The following ANKRD11 variants were observed in gnomAD, a reference collection of about 807,000 sequenced individuals.
The protein encoded by ANKRD11 is ankyrin repeat domain-containing protein 11.
Under a neutral mutation model 195.7 loss-of-function variants are expected in ANKRD11, and 17 were observed. That is an observed-to-expected ratio of 0.09 (90% CI 0.06 to 0.13). The LOEUF is 0.13. ANKRD11 is among the 10% of genes least tolerant of loss of function. The probability of loss-of-function intolerance (pLI) is 1.00; values close to 1 mark genes in which losing one functional copy is unlikely to be tolerated. For synonymous variants in ANKRD11, 1,953 were observed against 1,528.1 expected (o/e 1.28, Z -6.49); for missense variants, 3,735 against 3,566.1 (o/e 1.05, Z -1.21).
At chr16:89,455,106 C>A (rs2056372211) in intron 1 of ANKRD11, among the ~76,000 whole-genome samples, 1 of 99,092 alleles carries the variant, frequency 1.0e-5, no homozygotes, top group Non-Finnish European at 2.1e-5. Flanking sequence ...AGCTGCTCCC[C>A]TGGGTGCTTC....
intron 2 of ANKRD11, among the ~76,000 whole-genome samples, chr16:89,405,974 G>T (rs1289460368): frequency 1.3e-5 from 2 of 152,100 alleles, no homozygotes; most frequent in Non-Finnish European, 2.9e-5. Context: ...ACCGGGCGTG[G>T]TGGCACACAC....
intron 4 of ANKRD11, among the ~76,000 whole-genome samples, chr16:89,302,036 G>A (rs2035887190): frequency 6.6e-6 from 1 of 152,178 alleles, no homozygotes; most frequent in Admixed American, 6.5e-5. Flanking sequence ...TGACTGCTGG[G>A]GACCAGAGAA....
intron 1 of ANKRD11, among the ~76,000 whole-genome samples, chr16:89,477,842 GGCAGGAGAACTGCTTGAAT>G (rs1220561067): frequency 3.3e-5 from 5 of 151,524 alleles, no homozygotes; most frequent in Admixed American, 2.6e-4. Context: ...TGTGGTGGCA[GGCAGGAGAACTGCTTGAAT>G]GCAGGAGAAC....
At chr16:89,427,567 C>T (rs1250120937) in intron 1 of ANKRD11, among the ~76,000 whole-genome samples, 4 of 152,086 alleles carry the variant, frequency 2.6e-5, no homozygotes, top group East Asian at 3.9e-4. Context: ...GAGGCCGAGG[C>T]GGGAGGATCA....
chr16:89,313,426 G>A (rs2036731914), intron 3 of ANKRD11: 3 of 1,289,038 alleles, frequency 2.3e-6, no homozygotes, highest in African/African-American at 1.5e-5. Flanking sequence ...GTCTGCAGAA[G>A]GGGCCCTTTC....
In ANKRD11 at chr16:89,283,644, G is replaced by A. The variant is rs547991402; in HGVS notation, c.2898C>T (p.Ala966=). ...ESCKERRDGR[A]KPEEAHREEL... is the part of the protein sequence containing the mutation. ...CCTCCCGGTGCGCCTCCTCGGGCTT[G>A]GCCCTGCCGTCCCTGCGCTCCTTGC... Residue 966 remains alanine, a synonymous_variant, in exon 9 of 13, where the codon GCC becomes GCT. Transcript: ENST00000301030. This position sits in a 1 kb window ranked among gnomAD's most constrained non-coding sequence, Gnocchi z 4.3. 2 of 1,610,886 alleles carry A rather than the reference G, an allele frequency of 1.2e-6. No homozygotes were observed. The highest frequency in any genetic ancestry group is 1.7e-6 in the Non-Finnish European group (2 of 1,179,886).
At chr16:89,435,424 A>G (rs543929452) in intron 1 of ANKRD11, among the ~76,000 whole-genome samples, 2 of 152,244 alleles carry the variant, frequency 1.3e-5, no homozygotes, top group African/African-American at 2.4e-5. Flanking sequence ...ACTCTTCACA[A>G]TAAATCTTGC....
chr16:89,440,994 T>C (rs1436654363), intron 1 of ANKRD11, among the ~76,000 whole-genome samples: 2 of 152,100 alleles, frequency 1.3e-5, no homozygotes, highest in South Asian at 2.1e-4. Flanking sequence ...TCCCAGCACT[T>C]TGGGAGGCCG....
At chr16:89,480,772 T>C (rs1041417121) in intron 1 of ANKRD11, among the ~76,000 whole-genome samples, 10 of 152,282 alleles carry the variant, frequency 6.6e-5, no homozygotes, top group Admixed American at 3.3e-4. Flanking sequence ...CAGTCTGCCT[T>C]GGCCATTAAA....
At chr16:89,414,576 T>A (rs2042219706) in intron 2 of ANKRD11, among the ~76,000 whole-genome samples, 1 of 152,224 alleles carries the variant, frequency 6.6e-6, no homozygotes, top group East Asian at 1.9e-4. Context: ...TGTTATTTAA[T>A]CTCCAAGGAA....
intron 2 of ANKRD11, among the ~76,000 whole-genome samples, chr16:89,320,871 T>C (rs1265936076): frequency 6.6e-6 from 1 of 152,228 alleles, no homozygotes; most frequent in Non-Finnish European, 1.5e-5. Flanking sequence ...CCAGAGGGGC[T>C]CCACCTCCCC....
rs143317508 is a variant in ANKRD11, at chr16:89,334,923, T to C, written c.-59-17845A>G. ...GCCTTCTGCATGCATGAGGGCCCCA[T>C]GGTGCTGGGGGCCAGGCAGACAGTC... On this transcript the variant is annotated intron_variant, in intron 2 of 12. Coordinates refer to ENST00000301030, the MANE Select transcript of ANKRD11 (RefSeq NM_013275.6). 1.1e-3 allele frequency among the ~76,000 whole-genome samples: 162 copies of C among 151,994 alleles called. 1 individual carries two copies. In the East Asian group the frequency reaches 0.022, roughly 21 times the overall value.
At chr16:89,417,438 G>A (rs1036957306) in intron 2 of ANKRD11, among the ~76,000 whole-genome samples, 1 of 152,158 alleles carries the variant, frequency 6.6e-6, no homozygotes, top group African/African-American at 2.4e-5. Context: ...TGCGTCTCTG[G>A]AAGGAGGGAG....
chr16:89,452,489 A>G (rs2044122057), intron 1 of ANKRD11, among the ~76,000 whole-genome samples: 1 of 151,966 alleles, frequency 6.6e-6, no homozygotes, highest in African/African-American at 2.4e-5. Context: ...GTGAGGACAC[A>G]GCTGTTTACT....
rs2151758761 is a variant in ANKRD11 at position 89,283,860 on chromosome 16, G to A, written c.2682C>T (p.Ala894=). The stretch of plus-strand genomic sequence containing the variant: ...GCTCTCTGTAGTCTCGCTTCTCCCG[G>A]GCCCGGCTGTCCCGCCTCCTCTCCT... The part of the protein sequence containing the change: ...DSKERRRDSR[A]REKRDYREPF... The change falls in exon 9 of 13, where the codon GCC becomes GCT. Residue 894 remains alanine (A), a synonymous_variant. Transcript: ENST00000301030. The surrounding 1 kb of genome is among the most constrained non-coding windows in gnomAD (Gnocchi z 4.3). The A allele has an allele frequency of 1.2e-6, 2 of 1,614,096 alleles. No individual in the cohort carries two copies. The highest frequency in any genetic ancestry group is 8.5e-7 in the Non-Finnish European group (1 of 1,180,030).
At chr16:89,379,011 A>G (rs557394243) in intron 2 of ANKRD11, among the ~76,000 whole-genome samples, 1 of 152,346 alleles carries the variant, frequency 6.6e-6, no homozygotes, top group African/African-American at 2.4e-5. Context: ...CGCCTCCTGC[A>G]GTCGTAGACA....
chr16:89,270,988 G>A, intron 11 of ANKRD11, 79 bp from the exon 12 acceptor site: 4 of 1,353,522 alleles, frequency 3.0e-6, no homozygotes, highest in Non-Finnish European at 4.2e-6. Context: ...GGGCGATGCT[G>A]CAGTGACCGT....
intron 2 of ANKRD11, among the ~76,000 whole-genome samples, chr16:89,402,995 GTC>G (rs2041762942): frequency 6.6e-6 from 1 of 152,174 alleles, no homozygotes; most frequent in Admixed American, 6.5e-5. Flanking sequence ...AGCAAGGCCA[GTC>G]ACCTCAGCCC....
At position 89,321,949 on chromosome 16, in the gene ANKRD11, G is replaced by A. The variant is rs576359387; in HGVS notation, c.-59-4871C>T. Among the ~76,000 whole-genome samples, 17 of 152,276 alleles carry A rather than the reference G, an allele frequency of 1.1e-4. No individual in the cohort carries two copies. In the East Asian group the frequency reaches 3.3e-3, roughly 29 times the overall value. On this transcript the variant is annotated intron_variant, in intron 2 of 12. Transcript: ENST00000301030. ...TGGAGACCCGCTGCTGCTGCGCGAGGCTTAAGTCTATTTTCTCCTCATGAT... is the reference window on the plus strand; with the variant it reads ...TGGAGACCCGCTGCTGCTGCGCGAGACTTAAGTCTATTTTCTCCTCATGAT...
Sources: allele counts gnomAD v4.1 joint callset (sites outside exome capture counted in the v4.1 genomes callset), GRCh38; gene constraint gnomAD v4.1.1; non-coding constraint Gnocchi (gnomAD v3.1); transcripts MANE v1.5; gene names NCBI Gene and HGNC (gene_info 2026-07-23, HGNC 2026-07-21).